The following ZNF341 variants were observed in gnomAD, a reference collection of about 807,000 sequenced individuals.
The protein encoded by ZNF341 is zinc finger protein 341.
Under a neutral mutation model 87.7 loss-of-function variants are expected in ZNF341, and 52 were observed. The ratio of observed to expected loss-of-function variants is 0.59; its 90% CI spans 0.47 to 0.75. The LOEUF is 0.75. Among genes scored for constraint, ZNF341 ranks in the 30% least tolerant of loss-of-function variants. The pLI, the probability that ZNF341 is intolerant of heterozygous loss-of-function variation, is 0.00. For missense variants in ZNF341, 977 were observed against 1,145.9 expected, an observed-to-expected ratio of 0.85 and a Z score of 2.13; for synonymous variants, 459 against 472.7, an observed-to-expected ratio of 0.97 and a Z score of 0.38.
chr20:33,776,947 A>G (rs1401111013), intron 10 of ZNF341, among the ~76,000 whole-genome samples: 1 of 151,996 alleles, frequency 6.6e-6, no homozygotes, highest in Non-Finnish European at 1.5e-5. Context: ...GGCGTAAGCC[A>G]TCACACCTGG....
intron 5 of ZNF341, among the ~76,000 whole-genome samples, chr20:33,755,673 G>A (rs865937190): frequency 2.0e-5 from 3 of 146,350 alleles, no homozygotes; most frequent in South Asian, 4.3e-4. Context: ...GCTCACCACA[G>A]TCTCGATCTC....
rs182216389 is a variant in ZNF341, at chr20:33,750,797, T to C, written c.489+1725T>C. On this transcript the variant is annotated intron_variant, in intron 4 of 14. Coordinates refer to ENST00000375200, the MANE Select transcript of ZNF341 (RefSeq NM_001282933.2). The stretch of plus-strand genomic sequence containing the variant: ...CTGGTATTACAGGCACCCGCCACCA[T>C]GTCTGGCTAATTTTTGTACTTTTAG... Among the ~76,000 whole-genome samples, 689 of 152,278 alleles carry C rather than the reference T, an allele frequency of 4.5e-3. 4 individuals are homozygous for C. The highest frequency in any genetic ancestry group is 0.014 in the Middle Eastern group (4 of 294).
chr20:33,745,001 C>T, intron 2 of ZNF341, 102 bp from the exon 3 acceptor site: 1 of 1,068,352 alleles, frequency 9.4e-7, no homozygotes, highest in South Asian at 1.5e-5. Context: ...CTGCAGTTCT[C>T]CTGTCTCATA....
At chr20:33,753,959 A>G (rs1442007206) in intron 5 of ZNF341, among the ~76,000 whole-genome samples, 1 of 152,090 alleles carries the variant, frequency 6.6e-6, no homozygotes, top group Non-Finnish European at 1.5e-5. Context: ...CTGCTCTAGG[A>G]TGGCCTGGGC....
chr20:33,752,109 C>CA, intron 4 of ZNF341: 1 of 171,980 alleles, frequency 5.8e-6, no homozygotes. Context: ...TGCAAGCAAG[C>CA]CCCCCCCCCT....
At chr20:33,758,670 G>A in intron 6 of ZNF341, 46 bp from the exon 7 acceptor site, 1 of 1,527,964 alleles carries the variant, frequency 6.5e-7, no homozygotes, top group Non-Finnish European at 9.0e-7. Flanking sequence ...GGTGCCCTGA[G>A]CTGCACCCCC....
At chr20:33,754,228 A>T (rs975565145) in intron 5 of ZNF341, among the ~76,000 whole-genome samples, 2 of 152,164 alleles carry the variant, frequency 1.3e-5, no homozygotes, top group Non-Finnish European at 2.9e-5. Context: ...GGGTACAGGG[A>T]GGGGCAAAGA....
chr20:33,782,732 G>T (rs1225110218), intron 11 of ZNF341, among the ~76,000 whole-genome samples: 1 of 152,208 alleles, frequency 6.6e-6, no homozygotes, highest in Non-Finnish European at 1.5e-5. Context: ...AAGCAGTGGG[G>T]CAGCTGGGTC....
chr20:33,738,701 G>A (rs919202955), intron 1 of ZNF341, among the ~76,000 whole-genome samples: 6 of 152,308 alleles, frequency 3.9e-5, no homozygotes, highest in African/African-American at 9.6e-5. Context: ...GAGGGTGTAG[G>A]TGACCCTCAT....
chr20:33,768,136 T>G (rs548296413), intron 9 of ZNF341, among the ~76,000 whole-genome samples: 2 of 150,418 alleles, frequency 1.3e-5, no homozygotes, highest in African/African-American at 4.9e-5. Context: ...GTTTTTTTTT[T>G]CCCCCCGAGG....
intron 3 of ZNF341, among the ~76,000 whole-genome samples, chr20:33,748,212 C>T (rs1178438985): frequency 6.6e-6 from 1 of 152,058 alleles, no homozygotes; most frequent in Admixed American, 6.6e-5. Context: ...GCTGGGACTA[C>T]AGGCGCGCAC....
chr20:33,752,275 T>C (rs1601247305), intron 4 of ZNF341: 2 of 598,136 alleles, frequency 3.3e-6, no homozygotes, highest in East Asian at 6.9e-5. Context: ...CATAACATTT[T>C]CTGGACAACC....
chr20:33,756,808 G>A (rs1384549506), intron 5 of ZNF341, among the ~76,000 whole-genome samples: 6 of 152,218 alleles, frequency 3.9e-5, no homozygotes, highest in Non-Finnish European at 8.8e-5. Context: ...AATCTTCACA[G>A]TAACCGCATG....
chr20:33,783,918 CT>C (rs1218334939), intron 12 of ZNF341, 54 bp downstream of exon 12: 4 of 1,541,844 alleles, frequency 2.6e-6, no homozygotes, highest in Admixed American at 1.8e-5. Context: ...CCCCCTCCCC[CT>C]CTCCTCATGC....
intron 11 of ZNF341, 43 bp downstream of exon 11, chr20:33,781,430 A>C: frequency 6.4e-7 from 1 of 1,566,782 alleles, no homozygotes; most frequent in Non-Finnish European, 8.8e-7. Flanking sequence ...GGCTATAATA[A>C]GGGCAAGGAG....
chr20:33,740,767 C>G lies in ZNF341; in HGVS notation c.32-135C>G. On this transcript the variant is annotated intron_variant, in intron 1 of 14. Transcript: ENST00000375200. ...CAAGCGATCTCCCACCTTAGCCTCC[C>G]ATGGTGCTGGGATTACAGGTCTGAG... 4.4e-6 allele frequency: 3 copies of G among 679,480 alleles called. No homozygotes were observed. The South Asian group carries it at 5.4e-5, about 12-fold the overall frequency. The allele number at this position is 679,480 out of a possible 1,614,324, so 42.1% of individuals were successfully genotyped here.
chr20:33,767,727 G>A (rs1282280280), intron 9 of ZNF341, among the ~76,000 whole-genome samples: 1 of 152,128 alleles, frequency 6.6e-6, no homozygotes, highest in Non-Finnish European at 1.5e-5. Flanking sequence ...TCTATCATTT[G>A]ACAATGCATT....
At chr20:33,748,423 G>A (rs2018983909) in intron 3 of ZNF341, among the ~76,000 whole-genome samples, 1 of 152,180 alleles carries the variant, frequency 6.6e-6, no homozygotes, top group African/African-American at 2.4e-5. Flanking sequence ...GCAGAGGGAT[G>A]TGAGTTATTC....
At position 33,766,916 on chromosome 20, in the gene ZNF341, G is replaced by A; in HGVS notation, c.1288G>A (p.Gly430Arg). ...CTTGTCCACAGCTGGTGAGGAAGAG[G>A]GGGACAAGCCGGAGTCCAAGCAGGT... ...QALSTAGEEE[G>R]DKPESKQVVL... is the part of the protein sequence containing the mutation. Residue 430 changes from glycine (G) to arginine (R), a missense_variant, in exon 9 of 15, where the codon GGG becomes AGG. Coordinates refer to ENST00000375200, the MANE Select transcript of ZNF341 (RefSeq NM_001282933.2). 3 of 1,614,174 alleles carry A rather than the reference G, an allele frequency of 1.9e-6. No homozygotes were observed. Among genetic ancestry groups the A allele is most frequent in the Non-Finnish European group, 2.5e-6 (3 of 1,180,018 alleles).
Sources: gnomAD v4.1 joint callset for allele counts (sites outside exome capture counted in the v4.1 genomes callset) on GRCh38, gnomAD v4.1.1 for gene constraint, MANE v1.5 for transcripts, NCBI Gene and HGNC (gene_info 2026-07-23, HGNC 2026-07-21) for gene names.